The following CLVS1 variants were observed in gnomAD, a reference collection of about 807,000 sequenced individuals.
CLVS1 encodes the protein clavesin-1.
In CLVS1, 10 loss-of-function variants were observed where a neutral mutation model predicts 33.1. The ratio of observed to expected loss-of-function variants is 0.30; its 90% CI spans 0.19 to 0.51. The LOEUF (loss-of-function observed/expected upper bound fraction) is 0.51, where lower values mean the gene tolerates loss of function less well. Ranked by LOEUF, CLVS1 falls within the 20% of genes least tolerant of loss-of-function variation. CLVS1 has a pLI of 0.97. For synonymous variants in CLVS1, 163 were observed against 166.1 expected, an observed-to-expected ratio of 0.98 and a Z score of 0.14; for missense variants, 343 against 433.4, an observed-to-expected ratio of 0.79 and a Z score of 1.85.
chr8:61,164,108 T>C lies in CLVS1; in HGVS notation c.-152+32248T>C, dbSNP rs142950658. ...TGATTATTTCTTTACCTCCTGTTTT[T>C]AGCCTAATTGGTATTTTAGTGAGCC... On this transcript the variant is annotated intron_variant, in intron 2 of 2. Transcript: ENST00000522621. Among the ~76,000 whole-genome samples the C allele has an allele frequency of 3.6e-3, 546 of 152,348 alleles. 5 individuals are homozygous for C. Among genetic ancestry groups the C allele is most frequent in the African/African-American group, 0.012 (517 of 41,578 alleles).
chr8:61,488,363 C>T (rs111233079), intron 5 of CLVS1, among the ~76,000 whole-genome samples: 1 of 152,178 alleles, frequency 6.6e-6, no homozygotes, highest in Non-Finnish European at 1.5e-5. Flanking sequence ...AATGCTCTCA[C>T]ACTTCAAGCT....
intron 3 of CLVS1, among the ~76,000 whole-genome samples, chr8:61,400,044 A>T (rs1814687982): frequency 1.3e-5 from 2 of 152,144 alleles, no homozygotes; most frequent in Admixed American, 6.6e-5. Context: ...TATGAATTTT[A>T]AAATAATTTT....
intron 2 of CLVS1, among the ~76,000 whole-genome samples, chr8:61,193,887 G>T (rs1418860663): frequency 6.6e-6 from 1 of 151,878 alleles, no homozygotes; most frequent in African/African-American, 2.4e-5. Context: ...ATGTCTTGAG[G>T]GATTAAAACG....
chr8:61,009,187 C>G, the CLVS1 span, among the ~76,000 whole-genome samples: 3 of 129,518 alleles, frequency 2.3e-5, no homozygotes, highest in Non-Finnish European at 3.3e-5. Context: ...TTTTTTTTTT[C>G]TGAGATAGAG....
At chr8:61,265,210 A>G (rs887129310) in intron 2 of CLVS1, among the ~76,000 whole-genome samples, 8 of 152,180 alleles carry the variant, frequency 5.3e-5, no homozygotes, top group Admixed American at 4.6e-4. Flanking sequence ...TCTACTTCCC[A>G]TCAAGGCTTA....
At chr8:61,043,095 A>C in the CLVS1 span, among the ~76,000 whole-genome samples, 3 of 152,214 alleles carry the variant, frequency 2.0e-5, no homozygotes. Flanking sequence ...TTATGGGGCA[A>C]GTAATCAATG....
At chr8:61,177,693 A>G (rs1398930835) in intron 2 of CLVS1, among the ~76,000 whole-genome samples, 1 of 152,074 alleles carries the variant, frequency 6.6e-6, no homozygotes, top group Non-Finnish European at 1.5e-5. Context: ...GGAGTGAACC[A>G]GAAGAATAGG....
chr8:61,108,518 G>A lies in CLVS1; in HGVS notation c.-242-23252G>A, dbSNP rs542017961. On this transcript the variant is annotated intron_variant, in intron 1 of 2. Transcript: ENST00000522621. ...GTATATACACCCTGAGATAATATGTGCATCCTTAACTACACTTGGAAGGAA... is the reference window on the plus strand; with the variant it reads ...GTATATACACCCTGAGATAATATGTACATCCTTAACTACACTTGGAAGGAA... 2.6e-5 allele frequency among the ~76,000 whole-genome samples: 4 copies of A among 152,148 alleles called. No individual in the cohort carries two copies. The East Asian group carries it at 5.8e-4, about 22-fold the overall frequency.
intron 2 of CLVS1, among the ~76,000 whole-genome samples, chr8:61,243,283 A>G (rs539616176): frequency 2.6e-4 from 39 of 152,338 alleles, no homozygotes; most frequent in South Asian, 8.3e-4. Context: ...GATCGTTACT[A>G]TAGTGGAATG....
At chr8:61,414,736 A>T (rs987078132) in intron 3 of CLVS1, among the ~76,000 whole-genome samples, 25 of 152,194 alleles carry the variant, frequency 1.6e-4, no homozygotes, top group African/African-American at 5.3e-4. Context: ...GAGAGTTAAT[A>T]TGATTAAAAT....
At chr8:61,335,308 A>T (rs938299936) in intron 2 of CLVS1, among the ~76,000 whole-genome samples, 13 of 152,214 alleles carry the variant, frequency 8.5e-5, no homozygotes, top group Non-Finnish European at 1.5e-4. Context: ...TTGGGAAAGG[A>T]CTTTTACCTT....
intron 5 of CLVS1, among the ~76,000 whole-genome samples, chr8:61,463,424 A>G (rs548193393): frequency 1.1e-4 from 17 of 152,342 alleles, no homozygotes; most frequent in Admixed American, 1.1e-3. Context: ...CCTAGCTTTC[A>G]GACTTTCTGA....
chr8:61,027,229 C>T, the CLVS1 span, among the ~76,000 whole-genome samples: 1 of 152,094 alleles, frequency 6.6e-6, no homozygotes, highest in Non-Finnish European at 1.5e-5. Context: ...TGAGGAGGCT[C>T]ACACTGTCTT....
intron 2 of CLVS1, chr8:61,202,496 T>C (rs1255306700): frequency 2.3e-5 from 22 of 944,956 alleles, no homozygotes; most frequent in South Asian, 6.4e-5. Flanking sequence ...ACGGTCAGTT[T>C]AGGGGCTGGT....
chr8:61,136,321 A>C lies in CLVS1; in HGVS notation c.-152+4461A>C, dbSNP rs1806190103. Among the ~76,000 whole-genome samples, 4 of 152,356 alleles carry C rather than the reference A, an allele frequency of 2.6e-5. No homozygotes were observed. The South Asian group carries it at 8.3e-4, about 32-fold the overall frequency. Reference sequence around the variant, plus strand: ...ATTCTTACCTTTAAACACTTGGTTCACAGCCTCACTGCAACAACATGATTT... The same window carrying C: ...ATTCTTACCTTTAAACACTTGGTTCCCAGCCTCACTGCAACAACATGATTT... On this transcript the variant is annotated intron_variant, in intron 2 of 2. Coordinates refer to the CLVS1 transcript ENST00000522621.
At chr8:61,131,178 A>C (rs552151916) in intron 1 of CLVS1, among the ~76,000 whole-genome samples, 1 of 152,312 alleles carries the variant, frequency 6.6e-6, no homozygotes, top group South Asian at 2.1e-4. Context: ...CCTGGGTAGG[A>C]CATTATCACT....
At chr8:61,039,595 T>C in the CLVS1 span, among the ~76,000 whole-genome samples, 2 of 152,072 alleles carry the variant, frequency 1.3e-5, no homozygotes, top group African/African-American at 4.8e-5. Flanking sequence ...CAGGCTGGAG[T>C]GCAGCGGCGT....
chr8:61,266,349 G>A (rs1237599705), intron 2 of CLVS1, among the ~76,000 whole-genome samples: 1 of 144,410 alleles, frequency 6.9e-6, no homozygotes, highest in Non-Finnish European at 1.5e-5. Context: ...TTTCCCCACT[G>A]GCCAATCCCC....
At chr8:61,002,327 G>GTTTTT in the CLVS1 span, among the ~76,000 whole-genome samples, 8 of 98,784 alleles carry the variant, frequency 8.1e-5, no homozygotes, top group African/African-American at 1.2e-4. Context: ...ATGCTTGCTT[G>GTTTTT]TTTTTTTTTT....
Sources: gnomAD v4.1 joint callset for allele counts (sites outside exome capture counted in the v4.1 genomes callset) on GRCh38, gnomAD v4.1.1 for gene constraint, MANE v1.5 for transcripts, NCBI Gene and HGNC (gene_info 2026-07-23, HGNC 2026-07-21) for gene names.